The following SPAG17 variants were observed in gnomAD, a reference collection of about 807,000 sequenced individuals.
SPAG17 encodes the protein sperm-associated antigen 17.
SPAG17 carries 169 observed loss-of-function variants against 273.6 expected under a neutral mutation model. The ratio of observed to expected loss-of-function variants is 0.62; its 90% CI spans 0.55 to 0.70. SPAG17 has a LOEUF of 0.70. SPAG17 is among the 30% of genes least tolerant of loss of function. The probability of loss-of-function intolerance (pLI) is 0.00; values close to 1 mark genes in which losing one functional copy is unlikely to be tolerated. For synonymous variants in SPAG17, 825 were observed against 873.2 expected, an observed-to-expected ratio of 0.94 and a Z score of 0.97; for missense variants, 2,557 against 2,627.8, an observed-to-expected ratio of 0.97 and a Z score of 0.59.
intron 4 of SPAG17, 40 bp from the exon 5 acceptor site, chr1:118,101,966 G>C (rs373282052): frequency 3.7e-5 from 58 of 1,551,608 alleles, no homozygotes; most frequent in Non-Finnish European, 1.8e-6. Context: ...ATCAAACAGT[G>C]AGCAAGCAAT....
intron 19 of SPAG17, among the ~76,000 whole-genome samples, chr1:118,054,525 C>T (rs1651432173): frequency 6.6e-6 from 1 of 152,038 alleles, no homozygotes; most frequent in Non-Finnish European, 1.5e-5. Context: ...AAATTGAATG[C>T]AATATCTATC....
In SPAG17 at chr1:118,008,141, C is replaced by G. The variant is rs370369450; in HGVS notation, c.4490G>C (p.Arg1497Pro). The change falls in exon 31 of 49, where the codon CGC becomes CCC. Residue 1497 changes from arginine (R) to proline (P), a missense_variant. Transcript: ENST00000336338. The part of the protein sequence containing the change: ...QVKCMRVESS[R>P]YATVIANCED... ...ACAGTTGGCGATAACAGTGGCATAGCGTGAGCTTTCTACCCGCATACACTT... is the reference window on the plus strand; with the variant it reads ...ACAGTTGGCGATAACAGTGGCATAGGGTGAGCTTTCTACCCGCATACACTT... 14 of 1,613,918 alleles carry G rather than the reference C, an allele frequency of 8.7e-6. No individual in the cohort carries two copies. The African/African-American group carries it at 1.6e-4, about 18-fold the overall frequency.
At chr1:118,028,022 C>T (rs891860624) in intron 26 of SPAG17, among the ~76,000 whole-genome samples, 21 of 152,120 alleles carry the variant, frequency 1.4e-4, no homozygotes, top group African/African-American at 5.1e-4. Context: ...AGTAACTGAA[C>T]CTCCTGAAGC....
In SPAG17 at chr1:118,091,925, C is replaced by T. The variant is rs375765923; in HGVS notation, c.1246+5G>A. The T allele has an allele frequency of 1.2e-6, 2 of 1,613,550 alleles. No individual in the cohort carries two copies. Among genetic ancestry groups the T allele is most frequent in the Non-Finnish European group, 1.7e-6 (2 of 1,179,552 alleles). Reference sequence around the variant, plus strand: ...TGATCCTCCAGCAGCCGATTTCATACATGCCTGGTGGTGGAGCTTGCGGTT... The same window carrying T: ...TGATCCTCCAGCAGCCGATTTCATATATGCCTGGTGGTGGAGCTTGCGGTT... On this transcript the variant is annotated splice_donor_5th_base_variant and intron_variant, in intron 9 of 48. Transcript: ENST00000336338.
chr1:118,001,166 T>G (rs1040140227), intron 32 of SPAG17, among the ~76,000 whole-genome samples: 3 of 152,216 alleles, frequency 2.0e-5, no homozygotes, highest in Non-Finnish European at 4.4e-5. Context: ...ATCCTGTGAA[T>G]GAAGCCGACC....
At chr1:117,973,359 T>A (rs1388661025) in intron 44 of SPAG17, 66 bp downstream of exon 44, 3 of 1,563,372 alleles carry the variant, frequency 1.9e-6, no homozygotes, top group African/African-American at 1.4e-5. Flanking sequence ...TTGAAAAAAA[T>A]AAAAAATAAA....
chr1:118,168,502 C>A (rs775560422), intron 1 of SPAG17, among the ~76,000 whole-genome samples: 1 of 152,008 alleles, frequency 6.6e-6, no homozygotes, highest in African/African-American at 2.4e-5. Flanking sequence ...CATGAGGCTA[C>A]GGTAGTAACA....
intron 3 of SPAG17, among the ~76,000 whole-genome samples, chr1:118,134,335 TATATA>T (rs1418854925): frequency 1.3e-5 from 2 of 152,214 alleles, no homozygotes; most frequent in Admixed American, 6.5e-5. Context: ...ATATAGAGCA[TATATA>T]ATATAATTCC....
intron 1 of SPAG17, among the ~76,000 whole-genome samples, chr1:118,178,176 C>T (rs892950123): frequency 3.3e-5 from 5 of 151,892 alleles, no homozygotes; most frequent in Admixed American, 6.6e-5. Flanking sequence ...TGGCCAAAAC[C>T]GCAATTACTT....
In SPAG17 at chr1:117,990,457, TACAGTGTAAA is replaced by T. The variant is rs555842895; in HGVS notation, c.5521+394_5521+403del. Among the ~76,000 whole-genome samples, 1,462 of 152,348 alleles carry T rather than the reference TACAGTGTAAA, an allele frequency of 9.6e-3. 9 individuals carry two copies. The highest frequency in any genetic ancestry group is 0.014 in the Non-Finnish European group (932 of 68,034). On this transcript the variant is annotated intron_variant, in intron 38 of 48. Coordinates refer to ENST00000336338, the MANE Select transcript of SPAG17 (RefSeq NM_206996.4). ...CTAAGAGTAAACTACTTGCACTACA[TACAGTGTAAA>T]ACAGTGCAAAGTTTTGGTTATAACA...
At chr1:118,154,592 C>T (rs113457994) in intron 1 of SPAG17, among the ~76,000 whole-genome samples, 22 of 151,932 alleles carry the variant, frequency 1.4e-4, no homozygotes, top group Non-Finnish European at 2.5e-4. Flanking sequence ...CACCAACTGG[C>T]GGCATTTTTA....
At chr1:117,955,275 A>G in intron 48 of SPAG17, 3 of 1,574,616 alleles carry the variant, frequency 1.9e-6, no homozygotes, top group Non-Finnish European at 2.6e-6. Context: ...GTAGAAACCA[A>G]CCAAGAGTAT....
intron 40 of SPAG17, among the ~76,000 whole-genome samples, chr1:117,985,308 A>G (rs764373470): frequency 6.6e-5 from 10 of 152,212 alleles, no homozygotes; most frequent in Admixed American, 3.3e-4. Context: ...TTGGGGAGAC[A>G]TTATATAGGG....
chr1:118,087,209 G>A, intron 10 of SPAG17: 1 of 399,988 alleles, frequency 2.5e-6, no homozygotes, highest in Non-Finnish European at 4.4e-6. Context: ...CATTAAGGTA[G>A]ATATAAATTT....
At chr1:117,964,028 C>T (rs1209554743) in intron 47 of SPAG17, 90 bp from the exon 48 acceptor site, 1 of 1,429,364 alleles carries the variant, frequency 7.0e-7, no homozygotes, top group Admixed American at 2.1e-5. Flanking sequence ...AGAATTTCTT[C>T]TCTGGCAACA....
chr1:118,143,359 T>C (rs1023956864), intron 3 of SPAG17, among the ~76,000 whole-genome samples: 3 of 152,178 alleles, frequency 2.0e-5, no homozygotes, highest in Non-Finnish European at 4.4e-5. Context: ...ACCTAACCAG[T>C]CTGATTCAAA....
chr1:117,986,556 T>C (rs1185763699), intron 40 of SPAG17, among the ~76,000 whole-genome samples: 1 of 152,240 alleles, frequency 6.6e-6, no homozygotes, highest in African/African-American at 2.4e-5. Flanking sequence ...ATTGTTAATG[T>C]TTCAAAATTT....
At chr1:118,025,007 T>C (rs1647568246) in intron 27 of SPAG17, among the ~76,000 whole-genome samples, 1 of 152,236 alleles carries the variant, frequency 6.6e-6, no homozygotes, top group South Asian at 2.1e-4. Flanking sequence ...AGGAAAAAAC[T>C]GTTCAGTTTG....
At chr1:118,184,078 AG>A in intron 1 of SPAG17, among the ~76,000 whole-genome samples, 1 of 150,480 alleles carries the variant, frequency 6.6e-6, no homozygotes, top group Non-Finnish European at 1.5e-5. Context: ...TACTGTTAAT[AG>A]GAAAAAAAAA....
Sources: allele counts gnomAD v4.1 joint callset (sites outside exome capture counted in the v4.1 genomes callset), GRCh38; gene constraint gnomAD v4.1.1; transcripts MANE v1.5; gene names NCBI Gene and HGNC (gene_info 2026-07-23, HGNC 2026-07-21).